The following OGN variants were observed in gnomAD, a reference collection of about 807,000 sequenced individuals.
OGN encodes osteoglycin, also known as mimecan.
In OGN, 19 loss-of-function variants were observed where a neutral mutation model predicts 30.8. The observed-to-expected ratio is 0.62, with a 90% CI of 0.43 to 0.90. The LOEUF (loss-of-function observed/expected upper bound fraction) is 0.90, where lower values mean the gene tolerates loss of function less well. Among genes scored for constraint, OGN ranks in the 40% least tolerant of loss-of-function variants. The probability of loss-of-function intolerance (pLI) is 0.00; values close to 1 mark genes in which losing one functional copy is unlikely to be tolerated. For synonymous variants in OGN, 126 were observed against 128.3 expected (o/e 0.98, Z 0.12); for missense variants, 283 against 349.7 (o/e 0.81, Z 1.52).
Position 92,383,897 on chromosome 9 carries a change from C to G in OGN, c.*1723G>C, listed in dbSNP as rs1459045829. 1 of 151,904 alleles carries G rather than the reference C, an allele frequency of 6.6e-6. No homozygotes were observed. The highest frequency in any genetic ancestry group is 1.9e-4 in the East Asian group (1 of 5,194). The allele number at this position is 151,904 out of a possible 1,614,324, so 9.4% of individuals were successfully genotyped here. ...TAGGAATACATTATTTTTCTGAAAA[C>G]TAGAAAGATGACAGTCATTCAAGAT... On this transcript the variant is annotated 3_prime_UTR_variant, in exon 7 of 7. Coordinates refer to ENST00000375561, the MANE Select transcript of OGN (RefSeq NM_014057.5).
In OGN at chr9:92,385,515, G is replaced by T; in HGVS notation, c.*105C>A. On this transcript the variant is annotated 3_prime_UTR_variant, in exon 7 of 7. Transcript: ENST00000375561. ...TTAAAATATTAAATTCCTTCAAAAT[G>T]AGATACAAGGTTAATATTAAACCAA... The T allele has an allele frequency of 2.1e-6, 2 of 938,310 alleles. No homozygotes were observed. Among genetic ancestry groups the T allele is most frequent in the South Asian group, 1.9e-5 (1 of 52,846 alleles). 58.1% of individuals were successfully genotyped at this position (938,310 alleles called of 1,614,324 possible).
At chr9:92,401,355 AT>A (rs1156459564) in intron 2 of OGN, among the ~76,000 whole-genome samples, 170 bp from the exon 3 acceptor site, 1 of 152,156 alleles carries the variant, frequency 6.6e-6, no homozygotes, top group Non-Finnish European at 1.5e-5. Context: ...TACAATAAGT[AT>A]TTTTTAGCTT....
chr9:92,390,322 C>A (rs192277128), intron 4 of OGN, among the ~76,000 whole-genome samples: 7 of 152,298 alleles, frequency 4.6e-5, no homozygotes, highest in African/African-American at 1.7e-4. Flanking sequence ...TCATCTTTCT[C>A]TGTTCAAATT....
rs1041451499 is a variant in OGN, at chr9:92,398,124, C to T, written c.268+2968G>A. On this transcript the variant is annotated intron_variant, in intron 3 of 6. Transcript: ENST00000375561. ...ACTCATAACACTGTGCATAACAAAC[C>T]TACTCACTGGAACTTCATATTTGTT... Among the ~76,000 whole-genome samples the T allele has an allele frequency of 1.6e-4, 24 of 152,168 alleles. 1 individual carries two copies. The East Asian group carries it at 4.6e-3, about 29-fold the overall frequency.
In OGN at chr9:92,401,108, G is replaced by A. The variant is rs890113422; in HGVS notation, c.252C>T (p.Pro84=). 1.4e-6 allele frequency: 2 copies of A among 1,473,948 alleles called. No individual in the cohort carries two copies. The highest frequency in any genetic ancestry group is 2.3e-5 in the South Asian group (2 of 86,646). The allele number at this position is 1,473,948 out of a possible 1,614,324, so 91.3% of individuals were successfully genotyped here. A position where few individuals can be genotyped will look rare whatever the true frequency, so the allele number is the denominator to read the frequency against. The change falls in exon 3 of 7, where the codon CCC becomes CCT. Residue 84 remains proline (P), a synonymous_variant. Transcript: ENST00000375561. ...QKDEAITPLP[P]KKENDEMPTC... ...GATACTTACCATCATTTTCTTTCTTGGGAGGTAATGGTGTTATTGCCTCAT... is the reference window on the plus strand; with the variant it reads ...GATACTTACCATCATTTTCTTTCTTAGGAGGTAATGGTGTTATTGCCTCAT...
chr9:92,385,543 C>T lies in OGN; in HGVS notation c.*77G>A. Reference sequence around the variant, plus strand: ...ATACAAGGTTAATATTAAACCAATACTTAAGTTCCTTTACTCATTGTTGAG... The same window carrying T: ...ATACAAGGTTAATATTAAACCAATATTTAAGTTCCTTTACTCATTGTTGAG... On this transcript the variant is annotated 3_prime_UTR_variant, in exon 7 of 7. Transcript: ENST00000375561. 3 of 1,262,576 alleles carry T rather than the reference C, an allele frequency of 2.4e-6. No homozygotes were observed. Among genetic ancestry groups the T allele is most frequent in the Non-Finnish European group, 2.2e-6 (2 of 891,666 alleles). The allele number at this position is 1,262,576 out of a possible 1,614,324, so 78.2% of individuals were successfully genotyped here.
At chr9:92,397,213 C>T (rs916693041) in intron 3 of OGN, among the ~76,000 whole-genome samples, 1 of 152,008 alleles carries the variant, frequency 6.6e-6, no homozygotes, top group South Asian at 2.1e-4. Flanking sequence ...CACCATTATT[C>T]TTTGAGAACT....
intron 4 of OGN, among the ~76,000 whole-genome samples, chr9:92,392,508 G>C (rs1842727095): frequency 6.6e-6 from 1 of 151,944 alleles, no homozygotes; most frequent in Non-Finnish European, 1.5e-5. Context: ...TCAGCTACGT[G>C]AGAGGCTGAG....
intron 3 of OGN, 150 bp from the exon 4 acceptor site, chr9:92,393,394 C>T (rs578022159): frequency 8.7e-6 from 5 of 576,386 alleles, no homozygotes; most frequent in South Asian, 3.8e-5. Context: ...TAACTCGTTA[C>T]CTATATTGTG....
intron 4 of OGN, among the ~76,000 whole-genome samples, chr9:92,392,846 T>C (rs1442975960): frequency 2.6e-5 from 4 of 152,164 alleles, no homozygotes; most frequent in African/African-American, 9.7e-5. Flanking sequence ...GTTGCCCATA[T>C]GTTAGATGGG....
In OGN at chr9:92,401,037, TC is replaced by T. The variant is rs560862971; in HGVS notation, c.268+54del. The T allele has an allele frequency of 1.2e-4, 95 of 825,828 alleles. 1 individual carries two copies. In the East Asian group the frequency reaches 2.1e-3, roughly 19 times the overall value. 51.2% of individuals were successfully genotyped at this position (825,828 alleles called of 1,614,324 possible). A position where few individuals can be genotyped will look rare whatever the true frequency, so the allele number is the denominator to read the frequency against. On this transcript the variant is annotated intron_variant, in intron 3 of 6. Transcript: ENST00000375561. ...TTTTTGATTACCACAAGGAATAAAG[TC>T]CATTATAGCTATTTTTAAAAGATCC...
intron 4 of OGN, among the ~76,000 whole-genome samples, chr9:92,392,390 G>A (rs796494765): frequency 5.3e-5 from 8 of 152,224 alleles, no homozygotes; most frequent in African/African-American, 1.9e-4. Flanking sequence ...TTGGGAGGCC[G>A]AGGCGGGCGG....
chr9:92,404,692 A>G, upstream of OGN: 1 of 1,238,398 alleles, frequency 8.1e-7, no homozygotes, highest in South Asian at 1.5e-5. Context: ...TCTAGGGTGA[A>G]ATGCAGTGTG....
intron 2 of OGN, among the ~76,000 whole-genome samples, chr9:92,401,717 A>T (rs1843118763): frequency 6.6e-6 from 1 of 152,064 alleles, no homozygotes; most frequent in Non-Finnish European, 1.5e-5. Context: ...GATCCCTTTT[A>T]TTCCAGCTTA....
In OGN at chr9:92,400,213, C is replaced by T. The variant is rs140223552; in HGVS notation, c.268+879G>A. On this transcript the variant is annotated intron_variant, in intron 3 of 6. Coordinates refer to ENST00000375561, the MANE Select transcript of OGN (RefSeq NM_014057.5). Reference sequence around the variant, plus strand: ...CCGCCTAGGCTGGAGTACAATGGCACGACCTCGGCTCACCGCAACCTCCAC... The same window carrying T: ...CCGCCTAGGCTGGAGTACAATGGCATGACCTCGGCTCACCGCAACCTCCAC... Among the ~76,000 whole-genome samples the T allele has an allele frequency of 3.9e-3, 597 of 152,226 alleles. 2 individuals are homozygous for T. Among genetic ancestry groups the T allele is most frequent in the African/African-American group, 0.013 (550 of 41,528 alleles).
At chr9:92,388,731 C>T (rs1842542632) in intron 5 of OGN, among the ~76,000 whole-genome samples, 1 of 149,848 alleles carries the variant, frequency 6.7e-6, no homozygotes, top group African/African-American at 2.5e-5. Context: ...ACTTGGGAGG[C>T]TGAGGCAGGA....
chr9:92,390,903 A>G (rs1046502931), intron 4 of OGN, among the ~76,000 whole-genome samples: 3 of 152,178 alleles, frequency 2.0e-5, no homozygotes, highest in African/African-American at 7.2e-5. Flanking sequence ...CCCTGTAGGC[A>G]TATCACAGCC....
intron 5 of OGN, chr9:92,389,631 T>G (rs1842584697): frequency 2.7e-6 from 1 of 373,220 alleles, no homozygotes. Flanking sequence ...AACAAAATAG[T>G]CCCATGAAAT....
Position 92,393,134 on chromosome 9 carries a change from G to C in OGN, c.379C>G (p.Arg127Gly), listed in dbSNP as rs921620393. The C allele has an allele frequency of 5.0e-6, 8 of 1,613,752 alleles. No individual in the cohort carries two copies. Among genetic ancestry groups the C allele is most frequent in the Non-Finnish European group, 6.8e-6 (8 of 1,179,874 alleles). Residue 127 changes from arginine to glycine, a missense_variant, in exon 4 of 7, where the codon CGA becomes GGA. Coordinates refer to ENST00000375561, the MANE Select transcript of OGN (RefSeq NM_014057.5). The part of the protein sequence containing the change: ...LPKESAYLYA[R>G]FNKIKKLTAK... ...GTCAGCTTTTTAATTTTGTTGAATCGTGCGTAAAGATAGGCTGATTCCTTT... is the reference window on the plus strand; with the variant it reads ...GTCAGCTTTTTAATTTTGTTGAATCCTGCGTAAAGATAGGCTGATTCCTTT...
Sources: gnomAD v4.1 joint callset for allele counts (sites outside exome capture counted in the v4.1 genomes callset) on GRCh38, gnomAD v4.1.1 for gene constraint, MANE v1.5 for transcripts, NCBI Gene and HGNC (gene_info 2026-07-23, HGNC 2026-07-21) for gene names.